The following RASSF5 variants were observed in gnomAD, a reference collection of about 807,000 sequenced individuals.
RASSF5 encodes the protein Ras association domain family member 5.
Under a neutral mutation model 40.5 loss-of-function variants are expected in RASSF5, and 25 were observed. The ratio of observed to expected loss-of-function variants is 0.62; its 90% CI spans 0.45 to 0.86. The LOEUF (loss-of-function observed/expected upper bound fraction) is 0.86. RASSF5 is among the 40% of genes least tolerant of loss of function. The pLI is 0.00. For synonymous variants in RASSF5, 246 were observed against 252.4 expected (o/e 0.97, Z 0.24); for missense variants, 521 against 572.8 (o/e 0.91, Z 0.92).
At position 206,552,372 on chromosome 1, in the gene RASSF5, G is replaced by A. The variant is rs1341243866; in HGVS notation, c.579+14079G>A. ...GGTGTGGGAGGTATGGATGATATTG[G>A]GGAATATGTGTCAGGAAGTGGGGAG... On this transcript the variant is annotated intron_variant, in intron 2 of 5. Coordinates refer to ENST00000579436, the MANE Select transcript of RASSF5 (RefSeq NM_182663.4). The surrounding 1 kb of genome is among the most constrained non-coding windows in gnomAD (Gnocchi z 4.1). Among the ~76,000 whole-genome samples the A allele has an allele frequency of 1.3e-5, 2 of 152,200 alleles. No individual in the cohort carries two copies. The highest frequency in any genetic ancestry group is 1.3e-4 in the Admixed American group (2 of 15,280).
rs946796576 is a variant in RASSF5 at position 206,574,891 on chromosome 1, G to T, written c.580-8378G>T. 7.0e-5 allele frequency among the ~76,000 whole-genome samples: 9 copies of T among 128,518 alleles called. 1 individual carries two copies. The highest frequency in any genetic ancestry group is 2.7e-4 in the African/African-American group (9 of 33,716). The allele number at this position is 128,518 out of a possible 152,430, so 84.3% of individuals were successfully genotyped here. ...TTTTTTTTTTTTGAGATGGAGTCTC[G>T]CTCTGTCATCCAGGCTGGAGTGCAG... On this transcript the variant is annotated intron_variant, in intron 2 of 5. Transcript: ENST00000579436.
Position 206,552,091 on chromosome 1 carries a change from G to A in RASSF5, c.579+13798G>A, listed in dbSNP as rs1419229788. 4.6e-5 allele frequency among the ~76,000 whole-genome samples: 7 copies of A among 152,206 alleles called. No homozygotes were observed. The highest frequency in any genetic ancestry group is 1.2e-4 in the African/African-American group (5 of 41,440). On this transcript the variant is annotated intron_variant, in intron 2 of 5. Transcript: ENST00000579436. The surrounding 1 kb of genome is among the most constrained non-coding windows in gnomAD (Gnocchi z 4.1). ...AGTAGGTTCAGTGTCAAGGCCTATC[G>A]AAGCTGTTAGCCTGGCAGCCAATCA... is the stretch of plus-strand genomic sequence containing the variant.
chr1:206,553,562 A>G (rs1342485668), intron 2 of RASSF5, among the ~76,000 whole-genome samples: 3 of 152,208 alleles, frequency 2.0e-5, no homozygotes, highest in African/African-American at 7.2e-5. Context: ...AAACTCCAAT[A>G]GGAAGGGCTG....
At chr1:206,511,201 C>T (rs1453471578) in intron 1 of RASSF5, among the ~76,000 whole-genome samples, 1 of 152,088 alleles carries the variant, frequency 6.6e-6, no homozygotes, top group South Asian at 2.1e-4. Flanking sequence ...AGAGAGAGAA[C>T]GAAAGGTCCT....
At chr1:206,533,802 C>A (rs1279694429) in intron 1 of RASSF5, among the ~76,000 whole-genome samples, 1 of 152,044 alleles carries the variant, frequency 6.6e-6, no homozygotes, top group Non-Finnish European at 1.5e-5. Context: ...CAGAATGCAA[C>A]CTTATTCGGA....
intron 2 of RASSF5, chr1:206,542,176 T>TGG (rs1449033451): frequency 6.6e-6 from 1 of 152,198 alleles, no homozygotes; most frequent in Non-Finnish European, 1.5e-5. Context: ...TGATATGGTT[T>TGG]GGATGTGTGT....
intron 1 of RASSF5, among the ~76,000 whole-genome samples, chr1:206,533,076 C>G (rs1553398159): frequency 6.6e-6 from 1 of 152,130 alleles, no homozygotes; most frequent in African/African-American, 2.4e-5. Context: ...GGAAAAACAG[C>G]CTCCTAGCCA....
chr1:206,581,612 G>A (rs1340750797), intron 2 of RASSF5, among the ~76,000 whole-genome samples: 3 of 143,026 alleles, frequency 2.1e-5, no homozygotes, highest in Non-Finnish European at 4.7e-5. Context: ...AAGAAAGAAA[G>A]AGAGAGAGAC....
At position 206,507,569 on chromosome 1, in the gene RASSF5, C is replaced by T; in HGVS notation, c.-34C>T. 1 of 1,450,888 alleles carries T rather than the reference C, an allele frequency of 6.9e-7. No individual in the cohort carries two copies. The highest frequency in any genetic ancestry group is 9.0e-7 in the Non-Finnish European group (1 of 1,105,542). The allele number at this position is 1,450,888 out of a possible 1,614,324, so 89.9% of individuals were successfully genotyped here. A position where few individuals can be genotyped will look rare whatever the true frequency, so the allele number is the denominator to read the frequency against. ...CTCGGGAGTAGCGCAGTCGCCAAAGCCGCCGCTGCCAAAGCTGCCGCCACT... is the reference window on the plus strand; with the variant it reads ...CTCGGGAGTAGCGCAGTCGCCAAAGTCGCCGCTGCCAAAGCTGCCGCCACT... On this transcript the variant is annotated 5_prime_UTR_variant, in exon 1 of 6. Coordinates refer to ENST00000579436, the MANE Select transcript of RASSF5 (RefSeq NM_182663.4).
intron 1 of RASSF5, among the ~76,000 whole-genome samples, chr1:206,536,668 G>A (rs1553398722): frequency 6.6e-6 from 1 of 152,118 alleles, no homozygotes; most frequent in Non-Finnish European, 1.5e-5. Flanking sequence ...CTGAATTTTT[G>A]GAGCTTGTTA....
In RASSF5 at chr1:206,531,700, T is replaced by C. The variant is rs1667240947; in HGVS notation, c.458-6472T>C. Among the ~76,000 whole-genome samples, 1 of 152,084 alleles carries C rather than the reference T, an allele frequency of 6.6e-6. No homozygotes were observed. Among genetic ancestry groups the C allele is most frequent in the Non-Finnish European group, 1.5e-5 (1 of 68,002 alleles). ...GACAGGTACCATGAGATGGTGACAG[T>C]CCCCACTGACTTATTCAAGAGGATC... On this transcript the variant is annotated intron_variant, in intron 1 of 5. Coordinates refer to ENST00000579436, the MANE Select transcript of RASSF5 (RefSeq NM_182663.4). This position sits in a 1 kb window ranked among gnomAD's most constrained non-coding sequence, Gnocchi z 4.7.
intron 2 of RASSF5, among the ~76,000 whole-genome samples, chr1:206,566,833 T>C (rs1668302558): frequency 6.6e-6 from 1 of 152,166 alleles, no homozygotes; most frequent in South Asian, 2.1e-4. Context: ...CAATGGGCTA[T>C]AATTTTCTGG....
At chr1:206,578,765 G>A (rs1553405668) in intron 2 of RASSF5, among the ~76,000 whole-genome samples, 1 of 152,004 alleles carries the variant, frequency 6.6e-6, no homozygotes, top group African/African-American at 2.4e-5. Flanking sequence ...GGGTGCCCTG[G>A]GCCCACCTGG....
intron 2 of RASSF5, among the ~76,000 whole-genome samples, chr1:206,577,285 C>T (rs1572359565): frequency 1.3e-5 from 2 of 152,166 alleles, no homozygotes; most frequent in South Asian, 4.1e-4. Context: ...AATTAACAAA[C>T]TCTATGGGCA....
At chr1:206,557,042 C>T in intron 2 of RASSF5, 1 of 600,058 alleles carries the variant, frequency 1.7e-6, no homozygotes, top group Non-Finnish European at 2.1e-6. Context: ...CCTTATATGA[C>T]CTGCAGTTCC....
intron 1 of RASSF5, among the ~76,000 whole-genome samples, chr1:206,532,985 T>TGC (rs1378527981): frequency 1.3e-5 from 2 of 152,182 alleles, no homozygotes; most frequent in African/African-American, 2.4e-5. Context: ...TGTGTGTGTG[T>TGC]GCATTTGGCA....
At chr1:206,525,386 C>T (rs79250278) in intron 1 of RASSF5, among the ~76,000 whole-genome samples, 1 of 152,138 alleles carries the variant, frequency 6.6e-6, no homozygotes, top group Non-Finnish European at 1.5e-5. Context: ...TACATTAGAT[C>T]CAGGGACCCA....
intron 1 of RASSF5, among the ~76,000 whole-genome samples, chr1:206,519,493 G>C (rs191587879): frequency 1.5e-3 from 222 of 152,362 alleles, no homozygotes; most frequent in African/African-American, 5.0e-3. Context: ...TCACAGATGA[G>C]ATAGCTCAGA....
Position 206,583,380 on chromosome 1 carries a change from G to T in RASSF5, c.690+1G>T. 1 of 1,597,754 alleles carries T rather than the reference G, an allele frequency of 6.3e-7. No individual in the cohort carries two copies. Among genetic ancestry groups the T allele is most frequent in the Non-Finnish European group, 8.6e-7 (1 of 1,165,388 alleles). The stretch of plus-strand genomic sequence containing the variant: ...GAAGAACTGCCTGGGCATGAAACTG[G>T]TAAGCGCCCGTCCACCCTCAACCTG... On this transcript the variant is annotated splice_donor_variant, in intron 3 of 5. Coordinates refer to ENST00000579436, the MANE Select transcript of RASSF5 (RefSeq NM_182663.4). LOFTEE classifies it high-confidence loss of function.
Sources: gnomAD v4.1 joint callset for allele counts (sites outside exome capture counted in the v4.1 genomes callset) on GRCh38, gnomAD v4.1.1 for gene constraint, Gnocchi (gnomAD v3.1) non-coding constraint, MANE v1.5 for transcripts, NCBI Gene and HGNC (gene_info 2026-07-23, HGNC 2026-07-21) for gene names.